The following SUCLG2 variants were observed in gnomAD, a reference collection of about 807,000 sequenced individuals.
SUCLG2 encodes succinate-CoA ligase GDP-forming subunit beta.
In SUCLG2, 42 loss-of-function variants were observed where a neutral mutation model predicts 47.9. The observed-to-expected ratio is 0.88, with a 90% CI of 0.69 to 1.14. The LOEUF (loss-of-function observed/expected upper bound fraction) is 1.14. Among genes scored for constraint, SUCLG2 ranks in the 50% most tolerant of loss-of-function variants. The pLI, the probability that SUCLG2 is intolerant of heterozygous loss-of-function variation, is 0.00. For missense variants in SUCLG2, 571 were observed against 525.9 expected (o/e 1.09, Z -0.84); for synonymous variants, 195 against 197.3 (o/e 0.99, Z 0.10).
intron 7 of SUCLG2, among the ~76,000 whole-genome samples, chr3:67,505,875 T>A (rs1002674985): frequency 1.3e-5 from 2 of 152,000 alleles, no homozygotes; most frequent in Non-Finnish European, 2.9e-5. Flanking sequence ...CGTAGGAGAA[T>A]CACTTGAACT....
At position 67,518,356 on chromosome 3, in the gene SUCLG2, T is replaced by C; in HGVS notation, c.571-20A>G. 1 of 1,596,916 alleles carries C rather than the reference T, an allele frequency of 6.3e-7. No individual in the cohort carries two copies. Among genetic ancestry groups the C allele is most frequent in the Non-Finnish European group, 8.6e-7 (1 of 1,168,852 alleles). ...TTGCTCCTAGTAAAAATAAATCAAA[T>C]AAACAAAATTCAGACAGTCAACTGA... is the stretch of plus-strand genomic sequence containing the variant. On this transcript the variant is annotated intron_variant, in intron 5 of 10. Coordinates refer to ENST00000307227, the MANE Select transcript of SUCLG2 (RefSeq NM_003848.4).
At chr3:67,400,692 G>GACCCTTCTCC in intron 10 of SUCLG2, 39 bp downstream of exon 10, 1 of 1,602,500 alleles carries the variant, frequency 6.2e-7, no homozygotes, top group Non-Finnish European at 8.5e-7. Context: ...TGACCTTGGA[G>GACCCTTCTCC]AAGGGGTGCT....
In SUCLG2 at chr3:67,383,505, T is replaced by A. The variant is rs547739011; in HGVS notation, c.1184-7646A>T. 1.8e-4 allele frequency among the ~76,000 whole-genome samples: 27 copies of A among 152,286 alleles called. 1 individual carries two copies. In the South Asian group the frequency reaches 5.6e-3, roughly 32 times the overall value. On this transcript the variant is annotated intron_variant, in intron 10 of 10. Transcript: ENST00000307227. ...GGCTGTATTGTATCCACACCTAATC[T>A]CCTCGATGATTTCTTCTCGCACAGT...
chr3:67,603,400 T>C (rs1233428782), intron 2 of SUCLG2, among the ~76,000 whole-genome samples: 1 of 152,232 alleles, frequency 6.6e-6, no homozygotes, highest in African/African-American at 2.4e-5. Flanking sequence ...AATTCCTTAA[T>C]GGTGTTAAGT....
chr3:67,550,903 G>A (rs891898995), intron 2 of SUCLG2, among the ~76,000 whole-genome samples: 1 of 152,086 alleles, frequency 6.6e-6, no homozygotes, highest in African/African-American at 2.4e-5. Flanking sequence ...ATTAAACGGG[G>A]GGTGGGGGCA....
intron 10 of SUCLG2, among the ~76,000 whole-genome samples, chr3:67,392,156 T>G (rs1362733261): frequency 6.6e-6 from 1 of 152,138 alleles, no homozygotes; most frequent in Non-Finnish European, 1.5e-5. Context: ...CCTCTTCATC[T>G]CCTTCCTCCT....
intron 9 of SUCLG2, among the ~76,000 whole-genome samples, chr3:67,444,805 C>A (rs1424080315): frequency 9.2e-5 from 1 of 10,840 alleles, no homozygotes; most frequent in Non-Finnish European, 1.8e-4. Flanking sequence ...CCGCCCCGTC[C>A]GGGAGGGAGG....
At chr3:67,423,616 A>T (rs1032675969) in intron 9 of SUCLG2, among the ~76,000 whole-genome samples, 1 of 152,052 alleles carries the variant, frequency 6.6e-6, no homozygotes, top group African/African-American at 2.4e-5. Flanking sequence ...ATACTCACAC[A>T]TCATGCTGCC....
At chr3:67,596,085 T>C (rs1575804728) in intron 2 of SUCLG2, among the ~76,000 whole-genome samples, 1 of 152,240 alleles carries the variant, frequency 6.6e-6, no homozygotes, top group East Asian at 1.9e-4. Context: ...CCAACCTCCT[T>C]AGTTTGATGA....
Position 67,579,057 on chromosome 3 carries a change from T to C in SUCLG2, c.226+30398A>G, listed in dbSNP as rs2363092. On this transcript the variant is annotated intron_variant, in intron 2 of 10. Transcript: ENST00000307227. ...GGCTAAAATTTCTATCTTGCAACCC[T>C]AAAATTTCCTCAGAAAGAAAGGAAT... 1.7e-3 allele frequency among the ~76,000 whole-genome samples: 264 copies of C among 152,324 alleles called. 4 individuals are homozygous for C. In the East Asian group the frequency reaches 0.035, roughly 20 times the overall value.
intron 2 of SUCLG2, 89 bp from the exon 3 acceptor site, chr3:67,529,275 T>TGG: frequency 1.0e-6 from 1 of 953,356 alleles, no homozygotes; most frequent in Non-Finnish European, 1.6e-6. Flanking sequence ...GGCACATAAC[T>TGG]TCCAAGTAAC....
chr3:67,631,919 AACTGGGGCCACTG>A (rs1270056730), intron 1 of SUCLG2, among the ~76,000 whole-genome samples: 5 of 152,232 alleles, frequency 3.3e-5, no homozygotes, highest in Non-Finnish European at 7.3e-5. Flanking sequence ...CTCGATCTAA[AACTGGGGCCACTG>A]ACTTGCCTTC....
At chr3:67,517,424 C>A (rs569250710) in intron 6 of SUCLG2, among the ~76,000 whole-genome samples, 167 of 152,260 alleles carry the variant, frequency 1.1e-3, no homozygotes, top group African/African-American at 3.4e-3. Context: ...AGAGAACATA[C>A]ACACATGCAC....
intron 9 of SUCLG2, chr3:67,408,500 G>T: frequency 2.0e-6 from 1 of 505,698 alleles, no homozygotes; most frequent in Non-Finnish European, 2.6e-6. Flanking sequence ...TGAACTGATA[G>T]CATGGAAACG....
At chr3:67,551,059 T>C (rs1707001864) in intron 2 of SUCLG2, among the ~76,000 whole-genome samples, 1 of 152,244 alleles carries the variant, frequency 6.6e-6, no homozygotes, top group Non-Finnish European at 1.5e-5. Context: ...AAGTAATCTA[T>C]TACTGACTTT....
At chr3:67,436,420 G>A (rs1251065579) in intron 9 of SUCLG2, among the ~76,000 whole-genome samples, 1 of 152,210 alleles carries the variant, frequency 6.6e-6, no homozygotes, top group East Asian at 1.9e-4. Context: ...TAGACTGGAG[G>A]AGGGAGGGTA....
At chr3:67,470,650 G>C (rs1704582279) in intron 9 of SUCLG2, among the ~76,000 whole-genome samples, 1 of 152,176 alleles carries the variant, frequency 6.6e-6, no homozygotes, top group Non-Finnish European at 1.5e-5. Context: ...TTTCTGCCAT[G>C]GGATAATGTA....
At chr3:67,401,938 T>G (rs531788020) in intron 9 of SUCLG2, among the ~76,000 whole-genome samples, 1 of 152,368 alleles carries the variant, frequency 6.6e-6, no homozygotes, top group African/African-American at 2.4e-5. Context: ...ATTGTGAGCC[T>G]TCCCAGAACC....
chr3:67,532,239 G>A (rs182879789), intron 2 of SUCLG2, among the ~76,000 whole-genome samples: 105 of 152,206 alleles, frequency 6.9e-4, no homozygotes, highest in African/African-American at 1.7e-4. Context: ...GGGTTCAAGC[G>A]GTTCTCCTGC....
Sources: gnomAD v4.1 joint callset for allele counts (sites outside exome capture counted in the v4.1 genomes callset) on GRCh38, gnomAD v4.1.1 for gene constraint, MANE v1.5 for transcripts, NCBI Gene and HGNC (gene_info 2026-07-23, HGNC 2026-07-21) for gene names.